SVIL: variants seen among roughly 807,000 people sequenced by gnomAD.
The protein encoded by SVIL is supervillin, also known as archvillin.
A neutral mutation model predicts 240.4 loss-of-function variants in SVIL; 101 were observed. The ratio of observed to expected loss-of-function variants is 0.42; its 90% CI spans 0.36 to 0.50. The LOEUF (loss-of-function observed/expected upper bound fraction) is 0.50. Ranked by LOEUF, SVIL falls within the 20% of genes least tolerant of loss-of-function variation. SVIL has a pLI of 0.01. For synonymous variants in SVIL, 999 were observed against 1,100.0 expected (o/e 0.91, Z 1.82); for missense variants, 2,512 against 2,818.7 (o/e 0.89, Z 2.46).
intron 1 of SVIL, among the ~76,000 whole-genome samples, chr10:29,598,062 T>G (rs1229616716): frequency 6.6e-6 from 1 of 152,080 alleles, no homozygotes; most frequent in Non-Finnish European, 1.5e-5. Context: ...TGGAATATTA[T>G]TCAGCCTTTC....
intron 23 of SVIL, chr10:29,487,738 C>G (rs1333490006): frequency 6.4e-6 from 1 of 156,054 alleles, no homozygotes; most frequent in Non-Finnish European, 1.4e-5. Context: ...CCACTATGAA[C>G]CCTAGGGGCC....
At chr10:29,617,295 T>A (rs1370169941) in intron 1 of SVIL, among the ~76,000 whole-genome samples, 1 of 152,222 alleles carries the variant, frequency 6.6e-6, no homozygotes, top group African/African-American at 2.4e-5. Flanking sequence ...ACCTGACTTT[T>A]GTCAGTTACA....
chr10:29,681,694 CTG>C (rs1283333428), intron 2 of SVIL, among the ~76,000 whole-genome samples: 7 of 152,152 alleles, frequency 4.6e-5, no homozygotes, highest in African/African-American at 1.7e-4. Context: ...AACATTCCCT[CTG>C]GGCACCAGTT....
At chr10:29,507,541 T>G (rs1264436362) in intron 17 of SVIL, among the ~76,000 whole-genome samples, 1 of 110,894 alleles carries the variant, frequency 9.0e-6, no homozygotes, top group Non-Finnish European at 2.0e-5. Flanking sequence ...ACTCACATTC[T>G]CACAGATACA....
intron 7 of SVIL, among the ~76,000 whole-genome samples, chr10:29,534,678 G>T (rs1431192420): frequency 6.6e-6 from 1 of 152,192 alleles, no homozygotes; most frequent in Non-Finnish European, 1.5e-5. Context: ...CCTCTGCTCA[G>T]ATCCTGGCTC....
chr10:29,539,765 T>C (rs1952007100), intron 6 of SVIL, among the ~76,000 whole-genome samples: 1 of 152,156 alleles, frequency 6.6e-6, no homozygotes, highest in Non-Finnish European at 1.5e-5. Flanking sequence ...ACATTTCAAC[T>C]TGGATATTTA....
At chr10:29,669,372 G>A (rs1412793178) in intron 2 of SVIL, among the ~76,000 whole-genome samples, 1 of 152,322 alleles carries the variant, frequency 6.6e-6, no homozygotes, top group South Asian at 2.1e-4. Flanking sequence ...AAGAGAGCCC[G>A]GATAACCAGC....
In SVIL at chr10:29,467,642, G is replaced by C. The variant is rs370244850; in HGVS notation, c.5977+100C>G. On this transcript the variant is annotated intron_variant, in intron 33 of 37. Coordinates refer to ENST00000355867, the MANE Select transcript of SVIL (RefSeq NM_021738.3). ...CAGGAGGTTGAAGCTGCAGTGAGCT[G>C]TGATCATACCACTATACTCCAGCCT... The C allele has an allele frequency of 1.3e-5, 20 of 1,485,220 alleles. No individual in the cohort carries two copies. In the African/African-American group the frequency reaches 1.4e-4, roughly 10 times the overall value. 92.0% of individuals were successfully genotyped at this position (1,485,220 alleles called of 1,614,324 possible).
chr10:29,464,389 T>C (rs1008401267), intron 34 of SVIL, among the ~76,000 whole-genome samples: 1 of 152,164 alleles, frequency 6.6e-6, no homozygotes, highest in Admixed American at 6.5e-5. Context: ...CAGTGAGCCA[T>C]GACTGCGCCA....
intron 1 of SVIL, among the ~76,000 whole-genome samples, chr10:29,622,076 C>T (rs1957670006): frequency 1.3e-5 from 2 of 150,976 alleles, no homozygotes; most frequent in Non-Finnish European, 2.9e-5. Context: ...CGGTGAAACC[C>T]CGTCTCTACT....
chr10:29,574,178 T>C (rs1239119735), intron 1 of SVIL, among the ~76,000 whole-genome samples: 2 of 152,218 alleles, frequency 1.3e-5, no homozygotes, highest in African/African-American at 4.8e-5. Context: ...TACAATATTT[T>C]ACTGAATATT....
chr10:29,607,074 A>G (rs1957056914), intron 1 of SVIL, among the ~76,000 whole-genome samples: 2 of 152,270 alleles, frequency 1.3e-5, no homozygotes, highest in South Asian at 4.1e-4. Context: ...AACTATTTAA[A>G]TATTTGATCC....
At chr10:29,482,001 C>T (rs2132357717) in intron 27 of SVIL, among the ~76,000 whole-genome samples, 1 of 142,028 alleles carries the variant, frequency 7.0e-6, no homozygotes, top group South Asian at 2.3e-4. Flanking sequence ...TTCTTACATT[C>T]TAGCAAGTTC....
intron 2 of SVIL, among the ~76,000 whole-genome samples, chr10:29,681,249 T>C (rs1960619451): frequency 6.6e-6 from 1 of 151,414 alleles, no homozygotes; most frequent in African/African-American, 2.4e-5. Context: ...AAAAGTGAGA[T>C]TTAGGGCACG....
intron 22 of SVIL, among the ~76,000 whole-genome samples, chr10:29,489,762 G>A (rs1188991014): frequency 6.6e-6 from 1 of 152,024 alleles, no homozygotes; most frequent in African/African-American, 2.4e-5. Flanking sequence ...TTCCCAGGCT[G>A]GTCTCAGACT....
rs555532072 is a variant in SVIL at position 29,654,680 on chromosome 10, C to T, written c.-201+3289G>A. Among the ~76,000 whole-genome samples, 3 of 152,298 alleles carry T rather than the reference C, an allele frequency of 2.0e-5. No individual in the cohort carries two copies. The South Asian group carries it at 6.2e-4, about 32-fold the overall frequency. ...GGATAATGGGGGCTGAGAAGTCCCA[C>T]AACCGGTTGTCCTCAAGTTGGACAA... On this transcript the variant is annotated intron_variant, in intron 3 of 35. Coordinates refer to the SVIL transcript ENST00000375400.
chr10:29,529,914 T>C lies in SVIL; in HGVS notation c.2107-70A>G, dbSNP rs1951235692. ...AGCTGGGCACGGTGGCTCACGCCTGTAATCCCAGCACTTTGGGAGGCTAAG... is the reference window on the plus strand; with the variant it reads ...AGCTGGGCACGGTGGCTCACGCCTGCAATCCCAGCACTTTGGGAGGCTAAG... On this transcript the variant is annotated intron_variant, in intron 11 of 37. Coordinates refer to ENST00000355867, the MANE Select transcript of SVIL (RefSeq NM_021738.3). 17 of 1,472,642 alleles carry C rather than the reference T, an allele frequency of 1.2e-5. No individual in the cohort carries two copies. In the South Asian group the frequency reaches 2.0e-4, roughly 18 times the overall value. The allele number at this position is 1,472,642 out of a possible 1,614,324, so 91.2% of individuals were successfully genotyped here. A position where few individuals can be genotyped will look rare whatever the true frequency, so the allele number is the denominator to read the frequency against.
chr10:29,583,439 A>G (rs752240302), intron 1 of SVIL, among the ~76,000 whole-genome samples: 2 of 152,142 alleles, frequency 1.3e-5, no homozygotes, highest in African/African-American at 2.4e-5. Flanking sequence ...AGCTGGGACT[A>G]CAGGGGCCCA....
chr10:29,549,789 G>T (rs555565954), intron 6 of SVIL, among the ~76,000 whole-genome samples: 1 of 137,394 alleles, frequency 7.3e-6, no homozygotes, highest in African/African-American at 2.8e-5. Context: ...ACCAAACACC[G>T]CATATTCTCA....
Sources: gnomAD v4.1 joint callset for allele counts (sites outside exome capture counted in the v4.1 genomes callset) on GRCh38, gnomAD v4.1.1 for gene constraint, MANE v1.5 for transcripts, NCBI Gene and HGNC (gene_info 2026-07-23, HGNC 2026-07-21) for gene names.